The following ADGRL3 variants were observed in gnomAD, a reference collection of about 807,000 sequenced individuals.
The protein encoded by ADGRL3 is calcium-independent alpha-latrotoxin receptor 3.
In ADGRL3, 62 loss-of-function variants were observed where a neutral mutation model predicts 153.5. The observed-to-expected ratio is 0.40, with a 90% CI of 0.33 to 0.50. The LOEUF (loss-of-function observed/expected upper bound fraction) is 0.50, where lower values mean the gene tolerates loss of function less well. Ranked by LOEUF, ADGRL3 falls within the 20% of genes least tolerant of loss-of-function variation. The pLI, the probability that ADGRL3 is intolerant of heterozygous loss-of-function variation, is 0.47. For synonymous variants in ADGRL3, 710 were observed against 672.5 expected, an observed-to-expected ratio of 1.06 and a Z score of -0.86; for missense variants, 1,641 against 1,859.4, an observed-to-expected ratio of 0.88 and a Z score of 2.16.
intron 2 of ADGRL3, among the ~76,000 whole-genome samples, chr4:61,455,215 C>T (rs757709592): frequency 6.6e-6 from 1 of 152,038 alleles, no homozygotes; most frequent in Non-Finnish European, 1.5e-5. Context: ...ACTCTTGAAG[C>T]TGAGAGAAGA....
At chr4:61,253,404 G>T (rs992320058) in intron 1 of ADGRL3, among the ~76,000 whole-genome samples, 1 of 152,158 alleles carries the variant, frequency 6.6e-6, no homozygotes, top group African/African-American at 2.4e-5. Context: ...CCTTTAGGTT[G>T]TTGACTCAGT....
intron 2 of ADGRL3, among the ~76,000 whole-genome samples, chr4:61,465,775 A>ATATATATATATATC (rs1457456010): frequency 3.4e-5 from 5 of 146,134 alleles, no homozygotes; most frequent in Non-Finnish European, 7.5e-5. Context: ...ATATATATAT[A>ATATATATATATATC]TATCTTATAT....
chr4:61,660,868 A>C (rs1051037094), intron 5 of ADGRL3, among the ~76,000 whole-genome samples: 1 of 152,088 alleles, frequency 6.6e-6, no homozygotes, highest in African/African-American at 2.4e-5. Context: ...TTTACTTAGA[A>C]TCTAAATTAA....
At chr4:61,848,281 G>C (rs1051851036) in intron 9 of ADGRL3, among the ~76,000 whole-genome samples, 8 of 149,694 alleles carry the variant, frequency 5.3e-5, no homozygotes, top group Non-Finnish European at 1.2e-4. Context: ...AGCACTGAAG[G>C]CTTAAAGTCC....
chr4:61,935,659 T>C (rs2098835370), intron 14 of ADGRL3, among the ~76,000 whole-genome samples: 1 of 152,158 alleles, frequency 6.6e-6, no homozygotes, highest in Non-Finnish European at 1.5e-5. Context: ...TTAAGACCAA[T>C]GACAATGTAT....
intron 8 of ADGRL3, among the ~76,000 whole-genome samples, chr4:61,794,128 G>T (rs185026455): frequency 1.4e-4 from 21 of 152,302 alleles, no homozygotes; most frequent in Admixed American, 1.4e-3. Context: ...GCCCTTGAGA[G>T]AACCAGGTAG....
At chr4:61,464,596 TA>T (rs1424194526) in intron 2 of ADGRL3, among the ~76,000 whole-genome samples, 8 of 152,184 alleles carry the variant, frequency 5.3e-5, no homozygotes, top group Non-Finnish European at 2.9e-5. Flanking sequence ...AGTATGTTTC[TA>T]TTATTAAAAA....
At chr4:61,256,173 C>T (rs2091946546) in intron 1 of ADGRL3, among the ~76,000 whole-genome samples, 2 of 152,102 alleles carry the variant, frequency 1.3e-5, no homozygotes, top group African/African-American at 4.8e-5. Flanking sequence ...ATAAGTTTTT[C>T]TTCTGTTCTT....
At chr4:61,366,151 A>G (rs1312993398) in intron 1 of ADGRL3, among the ~76,000 whole-genome samples, 1 of 152,234 alleles carries the variant, frequency 6.6e-6, no homozygotes, top group East Asian at 1.9e-4. Context: ...AAAAAAAGAA[A>G]TAATGGTCAT....
At chr4:61,911,589 G>C (rs186495965) in intron 12 of ADGRL3, among the ~76,000 whole-genome samples, 9 of 152,156 alleles carry the variant, frequency 5.9e-5, no homozygotes, top group Non-Finnish European at 7.4e-5. Context: ...CAAATCAATC[G>C]TGCTCTGTAT....
Position 62,070,141 on chromosome 4 carries a change from G to T in ADGRL3, c.3865G>T (p.Val1289Phe). The T allele has an allele frequency of 6.2e-7, 1 of 1,614,018 alleles. No individual in the cohort carries two copies. The change falls in exon 27 of 27, where the codon GTC becomes TTC. Residue 1289 changes from valine to phenylalanine, a missense_variant. Val to Phe is a conservative substitution (Grantham distance 50). Around this residue, in one of 5 missense-constraint regions of ADGRL3, gnomAD observed 517 missense variants for 555.0 expected, o/e 0.93. Transcript: ENST00000683033. ...TCTGAACAATGCCAGGGATACAAGT[G>T]TCATGGATACTCTACCACTGAATGG... ...GLLNNARDTSVMDTLPLNGNH... is the reference protein window; with the variant it reads ...GLLNNARDTSFMDTLPLNGNH...
At chr4:61,890,574 T>G (rs1394708267) in intron 9 of ADGRL3, among the ~76,000 whole-genome samples, 1 of 152,102 alleles carries the variant, frequency 6.6e-6, no homozygotes, top group East Asian at 1.9e-4. Flanking sequence ...CATCCTCTTA[T>G]CAGAAACCCA....
chr4:61,775,818 T>C (rs1016241850), intron 8 of ADGRL3: 4 of 640,198 alleles, frequency 6.2e-6, no homozygotes, highest in Non-Finnish European at 1.2e-5. Context: ...TAACGTCCAT[T>C]ACGCTTCCAG....
chr4:61,626,179 A>T (rs1313074844), intron 5 of ADGRL3, among the ~76,000 whole-genome samples: 4 of 152,080 alleles, frequency 2.6e-5, no homozygotes, highest in Admixed American at 2.6e-4. Context: ...TTTATTTTTA[A>T]AATATTCCTG....
At chr4:61,328,877 T>C (rs897711573) in intron 1 of ADGRL3, among the ~76,000 whole-genome samples, 1 of 152,092 alleles carries the variant, frequency 6.6e-6, no homozygotes, top group Non-Finnish European at 1.5e-5. Context: ...AAGCTGAAAA[T>C]TGATCTCCAT....
chr4:61,655,116 G>GT (rs1460941137), intron 5 of ADGRL3, among the ~76,000 whole-genome samples: 1 of 152,006 alleles, frequency 6.6e-6, no homozygotes, highest in Non-Finnish European at 1.5e-5. Context: ...GTGGCCAGCA[G>GT]TGTACTCACA....
chr4:62,060,580 AAG>A (rs1198212837), intron 25 of ADGRL3, among the ~76,000 whole-genome samples: 6 of 151,910 alleles, frequency 3.9e-5, no homozygotes, highest in Non-Finnish European at 7.4e-5. Context: ...TTACTTGAAA[AAG>A]ATCTAGAATA....
chr4:62,068,291 T>G, intron 26 of ADGRL3, 108 bp downstream of exon 26: 4 of 1,023,546 alleles, frequency 3.9e-6, no homozygotes, highest in Non-Finnish European at 5.6e-6. Context: ...CATCTCACAA[T>G]TTAAAAACTA....
intron 6 of ADGRL3, among the ~76,000 whole-genome samples, chr4:61,687,830 T>C (rs1488411613): frequency 6.6e-6 from 1 of 152,078 alleles, no homozygotes; most frequent in Non-Finnish European, 1.5e-5. Flanking sequence ...TTTTTTACAA[T>C]AATTGACTTG....
Sources: allele counts gnomAD v4.1 joint callset (sites outside exome capture counted in the v4.1 genomes callset), GRCh38; gene constraint gnomAD v4.1.1; regional missense constraint gnomAD v4.1.1; transcripts MANE v1.5; gene names NCBI Gene and HGNC (gene_info 2026-07-23, HGNC 2026-07-21).